Variants in KIAA1328 observed in about 807,000 individuals in gnomAD.
The protein encoded by KIAA1328 is KIAA1328.
Under a neutral mutation model 68.1 loss-of-function variants are expected in KIAA1328, and 52 were observed. The ratio of observed to expected loss-of-function variants is 0.76; its 90% CI spans 0.61 to 0.96. The LOEUF (loss-of-function observed/expected upper bound fraction) is 0.96, where lower values mean the gene tolerates loss of function less well. Among genes scored for constraint, KIAA1328 ranks in the 40% least tolerant of loss-of-function variants. The pLI, the probability that KIAA1328 is intolerant of heterozygous loss-of-function variation, is 0.00. For missense variants in KIAA1328, 641 were observed against 677.6 expected (o/e 0.95, Z 0.60); for synonymous variants, 232 against 239.4 (o/e 0.97, Z 0.28).
intron 4 of KIAA1328, among the ~76,000 whole-genome samples, chr18:36,867,239 T>A (rs1359728208): frequency 2.0e-5 from 3 of 152,138 alleles, no homozygotes; most frequent in African/African-American, 7.2e-5. Context: ...AAATGAATGG[T>A]TTAGCTTTTA....
rs138043261 is a variant in KIAA1328, at chr18:36,978,453, C to T, written c.576+19018C>T. Among the ~76,000 whole-genome samples, 10 of 152,276 alleles carry T rather than the reference C, an allele frequency of 6.6e-5. No individual in the cohort carries two copies. In the East Asian group the frequency reaches 1.2e-3, roughly 18 times the overall value. Reference sequence around the variant, plus strand: ...CAGAAATCGGTTTGCATATTGCCAGCGAAGGGCCAACTGTGTAAGCAGGAC... The same window carrying T: ...CAGAAATCGGTTTGCATATTGCCAGTGAAGGGCCAACTGTGTAAGCAGGAC... On this transcript the variant is annotated intron_variant, in intron 6 of 9. Coordinates refer to ENST00000280020, the MANE Select transcript of KIAA1328 (RefSeq NM_020776.3).
In KIAA1328 at chr18:36,836,075, C is replaced by T. The variant is rs191666293; in HGVS notation, c.237+699C>T. 5.3e-4 allele frequency among the ~76,000 whole-genome samples: 81 copies of T among 152,252 alleles called. No individual in the cohort carries two copies. In the Middle Eastern group the frequency reaches 0.02, roughly 38 times the overall value. On this transcript the variant is annotated intron_variant, in intron 3 of 9. Coordinates refer to ENST00000280020, the MANE Select transcript of KIAA1328 (RefSeq NM_020776.3). ...GCAGGGTTGCTACAGAGACTGCATG[C>T]CCACAAGCTAAAAACATTTACTATC...
At chr18:37,171,948 A>G (rs2059507995) in intron 8 of KIAA1328, among the ~76,000 whole-genome samples, 1 of 152,276 alleles carries the variant, frequency 6.6e-6, no homozygotes, top group Non-Finnish European at 1.5e-5. Flanking sequence ...TAGTTGACAT[A>G]AAGAGTATAG....
chr18:37,026,417 CAA>C (rs918749427), intron 6 of KIAA1328, among the ~76,000 whole-genome samples: 2 of 151,954 alleles, frequency 1.3e-5, no homozygotes, highest in African/African-American at 4.8e-5. Context: ...AGAGACACAA[CAA>C]AAAAAGAGAA....
intron 6 of KIAA1328, among the ~76,000 whole-genome samples, chr18:37,002,002 C>T (rs1184822989): frequency 6.6e-6 from 1 of 151,898 alleles, no homozygotes; most frequent in Non-Finnish European, 1.5e-5. Context: ...AAGTACTAGC[C>T]AGAACATTCA....
intron 4 of KIAA1328, among the ~76,000 whole-genome samples, chr18:36,862,447 C>T (rs144117250): frequency 7.8e-4 from 119 of 152,294 alleles, no homozygotes; most frequent in Non-Finnish European, 1.6e-3. Flanking sequence ...TGGAATCATA[C>T]AGTATGTAAC....
chr18:36,976,000 CAT>C (rs2052457792), intron 6 of KIAA1328, among the ~76,000 whole-genome samples: 1 of 152,144 alleles, frequency 6.6e-6, no homozygotes. Context: ...CAGAGAAAGA[CAT>C]AGAAATCAAT....
At chr18:37,179,359 T>C (rs2154215155) in intron 9 of KIAA1328, among the ~76,000 whole-genome samples, 1 of 152,370 alleles carries the variant, frequency 6.6e-6, no homozygotes, top group East Asian at 1.9e-4. Context: ...TTCACACCTT[T>C]GTCAAATATC....
At position 37,158,982 on chromosome 18, in the gene KIAA1328, T is replaced by A. The variant is rs1440691289; in HGVS notation, c.1233-1218T>A. ...GTATTTCCCTGTTCCGTGAGTGCAA[T>A]TTGTATAACCCTAAGTTATACATCT... On this transcript the variant is annotated intron_variant, in intron 7 of 9. Coordinates refer to ENST00000280020, the MANE Select transcript of KIAA1328 (RefSeq NM_020776.3). Among the ~76,000 whole-genome samples, 7 of 152,154 alleles carry A rather than the reference T, an allele frequency of 4.6e-5. 1 individual carries two copies. The highest frequency in any genetic ancestry group is 1.3e-4 in the Admixed American group (2 of 15,272).
chr18:37,045,102 T>G (rs2055413567), intron 6 of KIAA1328, among the ~76,000 whole-genome samples: 1 of 152,186 alleles, frequency 6.6e-6, no homozygotes, highest in African/African-American at 2.4e-5. Flanking sequence ...TAAGAATTCT[T>G]TTCTCCTTAA....
intron 6 of KIAA1328, among the ~76,000 whole-genome samples, chr18:36,972,342 TTTC>T (rs1201460745): frequency 2.0e-5 from 3 of 152,234 alleles, no homozygotes; most frequent in African/African-American, 7.2e-5. Context: ...CACCAGTTTT[TTTC>T]TTCTTTAGGT....
At chr18:36,901,640 A>G (rs1294104201) in intron 5 of KIAA1328, among the ~76,000 whole-genome samples, 1 of 151,974 alleles carries the variant, frequency 6.6e-6, no homozygotes, top group Non-Finnish European at 1.5e-5. Context: ...GCATTTTACT[A>G]TTGACTCTTA....
intron 7 of KIAA1328, among the ~76,000 whole-genome samples, chr18:37,096,807 C>A (rs2057423334): frequency 6.6e-6 from 1 of 152,156 alleles, no homozygotes; most frequent in Non-Finnish European, 1.5e-5. Flanking sequence ...TTTTGATTTG[C>A]ATTTCTCTGA....
chr18:37,083,528 G>GA (rs2057011396), intron 7 of KIAA1328, among the ~76,000 whole-genome samples: 1 of 152,206 alleles, frequency 6.6e-6, no homozygotes, highest in South Asian at 2.1e-4. Flanking sequence ...ACTCCCGGTA[G>GA]AAAACCTTTT....
chr18:37,181,252 C>G (rs931309150), intron 9 of KIAA1328, among the ~76,000 whole-genome samples: 2 of 151,838 alleles, frequency 1.3e-5, no homozygotes, highest in Non-Finnish European at 2.9e-5. Context: ...AATCTGGAAA[C>G]TTCAGAAAAT....
intron 6 of KIAA1328, among the ~76,000 whole-genome samples, chr18:36,976,588 A>T (rs909864485): frequency 2.0e-5 from 3 of 152,106 alleles, no homozygotes; most frequent in African/African-American, 7.2e-5. Flanking sequence ...GAAAGGAAGG[A>T]TGGATGGATG....
At position 36,885,602 on chromosome 18, in the gene KIAA1328, G is replaced by C. The variant is rs879249467; in HGVS notation, c.378G>C (p.Glu126Asp). 1.9e-6 allele frequency: 3 copies of C among 1,600,220 alleles called. No homozygotes were observed. Among genetic ancestry groups the C allele is most frequent in the South Asian group, 2.3e-5 (2 of 88,080 alleles). ...TGACAGAGGAAAGACTGAAAGCTGAGCAGGAGTCATTTGAGAAGAAGATCA... is the reference window on the plus strand; with the variant it reads ...TGACAGAGGAAAGACTGAAAGCTGACCAGGAGTCATTTGAGAAGAAGATCA... ...KEVTEERLKA[E>D]QESFEKKIRQ... The change falls in exon 5 of 10, where the codon GAG becomes GAC. Residue 126 changes from glutamate to aspartate, a missense_variant. By Grantham distance (45) the Glu-to-Asp change is conservative. Transcript: ENST00000280020.
At chr18:37,184,887 G>A (rs1413658774) in intron 9 of KIAA1328, among the ~76,000 whole-genome samples, 1 of 152,124 alleles carries the variant, frequency 6.6e-6, no homozygotes, top group Non-Finnish European at 1.5e-5. Context: ...GGGTTGGCCA[G>A]GCGTGGTGGC....
At chr18:37,125,997 T>A (rs1327245041) in intron 7 of KIAA1328, among the ~76,000 whole-genome samples, 1 of 152,232 alleles carries the variant, frequency 6.6e-6, no homozygotes, top group African/African-American at 2.4e-5. Flanking sequence ...AAAAAATGAT[T>A]GCTTATCAGT....
Sources: allele counts gnomAD v4.1 joint callset (sites outside exome capture counted in the v4.1 genomes callset), GRCh38; gene constraint gnomAD v4.1.1; transcripts MANE v1.5; gene names NCBI Gene and HGNC (gene_info 2026-07-23, HGNC 2026-07-21).